DNPEP: variants seen among roughly 807,000 people sequenced by gnomAD.
The protein encoded by DNPEP is aspartyl aminopeptidase.
DNPEP carries 46 observed loss-of-function variants against 59.1 expected under a neutral mutation model. The observed-to-expected ratio is 0.78, with a 90% confidence interval of 0.61 to 0.99. DNPEP has a LOEUF of 0.99. Ranked by LOEUF, DNPEP falls within the 50% of genes least tolerant of loss-of-function variation. The pLI is 0.00. For synonymous variants in DNPEP, 229 were observed against 242.2 expected, an observed-to-expected ratio of 0.95 and a Z score of 0.50; for missense variants, 617 against 649.9, an observed-to-expected ratio of 0.95 and a Z score of 0.55.
Position 219,385,526 on chromosome 2 carries a change from C to T in DNPEP, c.672G>A (p.Glu224=). The T allele has an allele frequency of 6.2e-7, 1 of 1,603,774 alleles. No individual in the cohort carries two copies. ...PEPGPLNAVD[E]RHHSVLMSLL... is the part of the protein sequence containing the mutation. The stretch of plus-strand genomic sequence containing the variant: ...GGGACATGAGGACCGAATGGTGCCG[C>T]TCATCCTGAAGAGCAGAAAGATGCT... The change falls in exon 8 of 15, where the codon GAG becomes GAA. Residue 224 remains glutamate, a synonymous_variant. Coordinates refer to ENST00000273075, the MANE Select transcript of DNPEP (RefSeq NM_012100.4).
rs768301838 is a variant in DNPEP at position 219,386,662 on chromosome 2, T to C, written c.333+3A>G. 6 of 1,609,704 alleles carry C rather than the reference T, an allele frequency of 3.7e-6. No individual in the cohort carries two copies. In the South Asian group the frequency reaches 6.7e-5, roughly 18 times the overall value. ...CCACCCCAACACCGTCCGAGTTCCTTACCCGGAGGCAGGGGCTGTCCGTGT... is the reference window on the plus strand; with the variant it reads ...CCACCCCAACACCGTCCGAGTTCCTCACCCGGAGGCAGGGGCTGTCCGTGT... On this transcript the variant is annotated splice_donor_region_variant and intron_variant, in intron 4 of 14. Transcript: ENST00000273075.
chr2:219,381,787 C>T (rs986643269), intron 11 of DNPEP, 192 bp downstream of exon 11: 22 of 850,148 alleles, frequency 2.6e-5, no homozygotes, highest in African/African-American at 1.2e-4. Context: ...GTGTATTCCA[C>T]ACACCTGGGT....
In DNPEP at chr2:219,383,137, G is replaced by A. The variant is rs1278829835; in HGVS notation, c.930C>T (p.Asn310=). Residue 310 remains asparagine, a synonymous_variant, in exon 10 of 15, where the codon AAC becomes AAT. Coordinates refer to ENST00000273075, the MANE Select transcript of DNPEP (RefSeq NM_012100.4). ...PHVRMVTLYD[N]EEVGSESAQG... ...CCCAGAACCCTCCACGTACCTCTTCGTTGTCATAGAGTGTGACCATGCGCA... is the reference window on the plus strand; with the variant it reads ...CCCAGAACCCTCCACGTACCTCTTCATTGTCATAGAGTGTGACCATGCGCA... 16 of 1,614,068 alleles carry A rather than the reference G, an allele frequency of 9.9e-6. No homozygotes were observed. The highest frequency in any genetic ancestry group is 1.6e-4 in the Middle Eastern group (1 of 6,062).
At chr2:219,393,991 G>T (rs1195588593) in intron 1 of DNPEP, among the ~76,000 whole-genome samples, 1 of 152,028 alleles carries the variant, frequency 6.6e-6, no homozygotes, top group African/African-American at 2.4e-5. Flanking sequence ...CAGTTCTGGC[G>T]GGTCAAGCTG....
Position 219,373,315 on chromosome 2 carries a change from A to G in DNPEP, c.*977T>C, listed in dbSNP as rs1207942352. ...ACTCCCGACCTCAGGTGATCCGCCC[A>G]CCTCAGCCTCCTAAAGTGCTGGGAC... On this transcript the variant is annotated 3_prime_UTR_variant, in exon 15 of 15. Coordinates refer to ENST00000273075, the MANE Select transcript of DNPEP (RefSeq NM_012100.4). 1.3e-5 allele frequency among the ~76,000 whole-genome samples: 2 copies of G among 151,680 alleles called. No homozygotes were observed. Among genetic ancestry groups the G allele is most frequent in the Non-Finnish European group, 2.9e-5 (2 of 67,952 alleles).
At chr2:219,380,725 C>T (rs536344807) in intron 13 of DNPEP, among the ~76,000 whole-genome samples, 1 of 151,646 alleles carries the variant, frequency 6.6e-6, no homozygotes, top group Non-Finnish European at 1.5e-5. Flanking sequence ...CCTAATGATG[C>T]CATTTCCCAG....
chr2:219,377,071 C>G (rs1413911014), intron 13 of DNPEP, among the ~76,000 whole-genome samples: 1 of 151,860 alleles, frequency 6.6e-6, no homozygotes, highest in Admixed American at 6.6e-5. Flanking sequence ...GTCAGGAGTT[C>G]AAGACCAGTC....
intron 13 of DNPEP, among the ~76,000 whole-genome samples, chr2:219,378,877 CTA>C (rs1214653453): frequency 2.0e-5 from 3 of 151,734 alleles, no homozygotes; most frequent in African/African-American, 7.3e-5. Context: ...TAATAAATGA[CTA>C]TGTTATGGTT....
At chr2:219,383,879 A>G (rs577463896) in intron 9 of DNPEP, among the ~76,000 whole-genome samples, 18 of 152,182 alleles carry the variant, frequency 1.2e-4, no homozygotes, top group Non-Finnish European at 2.4e-4. Context: ...GAGAGAAAGA[A>G]AGGGAACTGA....
upstream of DNPEP, among the ~76,000 whole-genome samples, chr2:219,388,267 G>A (rs1486876913): frequency 7.8e-5 from 8 of 102,720 alleles, no homozygotes; most frequent in South Asian, 2.6e-3. Flanking sequence ...CATCCGCTCC[G>A]GCCCTCGCTG....
intron 13 of DNPEP, among the ~76,000 whole-genome samples, chr2:219,375,925 C>A (rs1953354209): frequency 6.6e-6 from 1 of 152,096 alleles, no homozygotes; most frequent in African/African-American, 2.4e-5. Context: ...CCGTCCCCTC[C>A]CCCAAGAACA....
In DNPEP at chr2:219,384,393, AT is replaced by A; in HGVS notation, c.824del (p.Asn275IlefsTer12). 6.2e-7 allele frequency: 1 copy of A among 1,611,584 alleles called. No homozygotes were observed. Among genetic ancestry groups the A allele is most frequent in the Non-Finnish European group, 8.5e-7 (1 of 1,178,914 alleles). On this transcript the variant is annotated frameshift_variant, in exon 9 of 15. Transcript: ENST00000273075. LOFTEE classifies it high-confidence loss of function. ...DEFIFAPRLD[N>X]LHSCFCALQA... The stretch of plus-strand genomic sequence containing the variant: ...GCAGGGCACAGAAGCAGCTGTGCAG[AT>A]TGTCCAGCCGAGGAGCAAAGATGAA...
In DNPEP at chr2:219,385,999, C is replaced by T; in HGVS notation, c.559G>A (p.Glu187Lys). Residue 187 changes from glutamate (E) to lysine (K), a missense_variant, in exon 6 of 15, where the codon GAG becomes AAG. Transcript: ENST00000273075. ...LAIHLQRNINENFGPNTEMHL... is the reference protein window; with the variant it reads ...LAIHLQRNINKNFGPNTEMHL... ...ATCTCTGTGTTGGGCCCAAAGTTCTCGTTGATATTTCGCTGCAGATGGATG... is the reference window on the plus strand; with the variant it reads ...ATCTCTGTGTTGGGCCCAAAGTTCTTGTTGATATTTCGCTGCAGATGGATG... 3.1e-6 allele frequency: 5 copies of T among 1,614,160 alleles called. No homozygotes were observed. The highest frequency in any genetic ancestry group is 1.6e-4 in the Middle Eastern group (1 of 6,062).
chr2:219,385,587 C>G, intron 7 of DNPEP, 44 bp downstream of exon 7: 1 of 1,606,386 alleles, frequency 6.2e-7, no homozygotes. Context: ...CCCCACTTCT[C>G]AGGGGACTCT....
chr2:219,384,759 G>A, intron 8 of DNPEP: 1 of 260,844 alleles, frequency 3.8e-6, no homozygotes, highest in South Asian at 3.7e-5. Context: ...ATTAGAGACA[G>A]GGTTTCACCA....
upstream of DNPEP, chr2:219,388,614 C>T: frequency 1.2e-6 from 1 of 842,328 alleles, no homozygotes; most frequent in Non-Finnish European, 1.4e-6. Context: ...CCCTCTGCTG[C>T]CGCGGAGGTG....
chr2:219,383,579 TC>T (rs1045783093), intron 9 of DNPEP, among the ~76,000 whole-genome samples: 3 of 152,016 alleles, frequency 2.0e-5, no homozygotes, highest in Admixed American at 1.3e-4. Context: ...TTCTCTACCT[TC>T]CCATGCAAAA....
At chr2:219,385,084 G>T in intron 8 of DNPEP, 1 of 240,558 alleles carries the variant, frequency 4.2e-6, no homozygotes. Context: ...ATCAGCAACC[G>T]GGAGACAGAG....
chr2:219,396,582 C>T, intron 1 of DNPEP, among the ~76,000 whole-genome samples: 1 of 150,264 alleles, frequency 6.7e-6, no homozygotes, highest in South Asian at 2.1e-4. Flanking sequence ...AGCAAGACTC[C>T]ATCTCAAAAA....
Sources: gnomAD v4.1 joint callset for allele counts (sites outside exome capture counted in the v4.1 genomes callset) on GRCh38, gnomAD v4.1.1 for gene constraint, MANE v1.5 for transcripts, NCBI Gene and HGNC (gene_info 2026-07-23, HGNC 2026-07-21) for gene names.